The following SV2B variants were observed in gnomAD, a reference collection of about 807,000 sequenced individuals.
SV2B encodes synaptic vesicle glycoprotein 2B.
In SV2B, 41 loss-of-function variants were observed where a neutral mutation model predicts 73.9. The ratio of observed to expected loss-of-function variants is 0.56; its 90% CI spans 0.43 to 0.72. The LOEUF (loss-of-function observed/expected upper bound fraction) is 0.72. Ranked by LOEUF, SV2B falls within the 30% of genes least tolerant of loss-of-function variation. The pLI is 0.00. For missense variants in SV2B, 764 were observed against 857.8 expected, an observed-to-expected ratio of 0.89 and a Z score of 1.37; for synonymous variants, 314 against 314.2, an observed-to-expected ratio of 1.00 and a Z score of 0.01.
chr15:91,228,011 C>CA (rs2046439520), intron 2 of SV2B, among the ~76,000 whole-genome samples: 1 of 152,036 alleles, frequency 6.6e-6, no homozygotes, highest in Non-Finnish European at 1.5e-5. Context: ...ACTTTATTTA[C>CA]AAAAAAATGG....
At chr15:91,171,663 C>T (rs1004492808) in intron 1 of SV2B, among the ~76,000 whole-genome samples, 7 of 152,196 alleles carry the variant, frequency 4.6e-5, no homozygotes, top group East Asian at 1.9e-4. Flanking sequence ...CATCTCTCCT[C>T]GTGATTAGTG....
Position 91,251,923 on chromosome 15 carries a change from G to C in SV2B, c.556G>C (p.Ala186Pro). 6.2e-7 allele frequency: 1 copy of C among 1,614,130 alleles called. No homozygotes were observed. Among genetic ancestry groups the C allele is most frequent in the Non-Finnish European group, 8.5e-7 (1 of 1,180,026 alleles). The change falls in exon 3 of 13, where the codon GCC (alanine) becomes CCC (proline). Residue 186 changes from alanine (A) to proline (P), a missense_variant. Coordinates refer to ENST00000394232, the MANE Select transcript of SV2B (RefSeq NM_001323032.3). ...RVLSMSLAVNASFASLSSFVQ... is the reference protein window; with the variant it reads ...RVLSMSLAVNPSFASLSSFVQ... ...CCTCAGCATGTCTCTGGCCGTCAAT[G>C]CCTCCTTCGCCTCCCTCTCTTCCTT...
intron 1 of SV2B, among the ~76,000 whole-genome samples, chr15:91,179,154 A>C (rs1423661941): frequency 1.3e-5 from 2 of 151,992 alleles, no homozygotes; most frequent in African/African-American, 2.4e-5. Flanking sequence ...TTATGTACCC[A>C]GTAGTCATTC....
intron 6 of SV2B, among the ~76,000 whole-genome samples, chr15:91,264,739 C>T (rs2048041627): frequency 6.6e-6 from 1 of 152,092 alleles, no homozygotes; most frequent in South Asian, 2.1e-4. Context: ...GACACAAAAG[C>T]CTTTTACAAC....
intron 5 of SV2B, among the ~76,000 whole-genome samples, chr15:91,259,733 C>T (rs1003445062): frequency 2.0e-5 from 3 of 152,206 alleles, no homozygotes; most frequent in South Asian, 2.1e-4. Context: ...ACACTCCAGT[C>T]GTGGCCTTCA....
chr15:91,223,525 G>A lies in SV2B; in HGVS notation c.-391-2348G>A, dbSNP rs958917177. ...GGTGGTGAGTCCCACAAGTGCTTTT[G>A]GAATTGCAAGTCTATCATTTCTGGT... On this transcript the variant is annotated intron_variant, in intron 1 of 12. Coordinates refer to ENST00000394232, the MANE Select transcript of SV2B (RefSeq NM_001323032.3). The surrounding 1 kb of genome is among the most constrained non-coding windows in gnomAD (Gnocchi z 4.6). Among the ~76,000 whole-genome samples, 1 of 152,132 alleles carries A rather than the reference G, an allele frequency of 6.6e-6. No homozygotes were observed. Among genetic ancestry groups the A allele is most frequent in the African/African-American group, 2.4e-5 (1 of 41,428 alleles).
At chr15:91,202,486 G>A (rs2141389628) in intron 1 of SV2B, among the ~76,000 whole-genome samples, 1 of 152,292 alleles carries the variant, frequency 6.6e-6, no homozygotes, top group Non-Finnish European at 1.5e-5. Context: ...TGGGTGTCTT[G>A]GGAAAAATGA....
intron 1 of SV2B, among the ~76,000 whole-genome samples, chr15:91,174,579 G>A (rs111323665): frequency 1.3e-5 from 2 of 152,074 alleles, no homozygotes; most frequent in African/African-American, 4.8e-5. Flanking sequence ...AATAATATTC[G>A]TCATTAGGTG....
intron 1 of SV2B, among the ~76,000 whole-genome samples, chr15:91,125,175 A>G (rs1275331842): frequency 6.6e-6 from 1 of 152,208 alleles, no homozygotes; most frequent in Admixed American, 6.5e-5. Flanking sequence ...GATCTACCCT[A>G]AAGGTCTCAT....
At chr15:91,125,510 G>A (rs1165815239) in intron 1 of SV2B, among the ~76,000 whole-genome samples, 1 of 152,044 alleles carries the variant, frequency 6.6e-6, no homozygotes, top group Non-Finnish European at 1.5e-5. Flanking sequence ...AGTGGCTCAC[G>A]CCTGTAATCC....
In SV2B at chr15:91,266,690, C is replaced by G; in HGVS notation, c.1117C>G (p.Gln373Glu). 6.2e-7 allele frequency: 1 copy of G among 1,612,392 alleles called. No individual in the cohort carries two copies. The change falls in exon 7 of 13, where the codon CAG (glutamine) becomes GAG (glutamate). Residue 373 changes from glutamine to glutamate, a missense_variant and splice_region_variant. Gln to Glu is a conservative substitution (Grantham distance 29). Transcript: ENST00000394232. ...GGTCAGATTCAAGACCATTTTCAAGCAGGTATGATTGGGAACTTACTTTGG... is the reference window on the plus strand; with the variant it reads ...GGTCAGATTCAAGACCATTTTCAAGGAGGTATGATTGGGAACTTACTTTGG... ...WLVRFKTIFK[Q>E]VWDNALYCVM... is the part of the protein sequence containing the mutation.
chr15:91,246,336 C>A (rs1299228557), intron 2 of SV2B, among the ~76,000 whole-genome samples: 1 of 152,136 alleles, frequency 6.6e-6, no homozygotes, highest in Non-Finnish European at 1.5e-5. Context: ...AGGTCCTAGA[C>A]AATTTTAAGC....
chr15:91,147,389 T>C (rs892517816), intron 1 of SV2B, among the ~76,000 whole-genome samples: 1 of 152,192 alleles, frequency 6.6e-6, no homozygotes, highest in Non-Finnish European at 1.5e-5. Flanking sequence ...AGATGTGCCA[T>C]GCAGCCACTC....
In SV2B at chr15:91,223,284, C is replaced by T. The variant is rs77194054; in HGVS notation, c.-391-2589C>T. Among the ~76,000 whole-genome samples the T allele has an allele frequency of 0.011, 1,659 of 152,242 alleles. 41 individuals carry two copies. In the East Asian group the frequency reaches 0.11, roughly 10 times the overall value. On this transcript the variant is annotated intron_variant, in intron 1 of 12. Transcript: ENST00000394232. The surrounding 1 kb of genome is among the most constrained non-coding windows in gnomAD (Gnocchi z 4.6). Reference sequence around the variant, plus strand: ...CAGTCAGAACTTCAACATACCTTCACGCTATAGGGACACAATTCAGCCAGT... The same window carrying T: ...CAGTCAGAACTTCAACATACCTTCATGCTATAGGGACACAATTCAGCCAGT...
chr15:91,292,235 T>A, intron 12 of SV2B, 134 bp from the exon 13 acceptor site: 1 of 736,074 alleles, frequency 1.4e-6, no homozygotes, highest in East Asian at 2.9e-5. Flanking sequence ...ACAATGAGAA[T>A]GTGTTATTTT....
rs56033749 is a variant in SV2B, at chr15:91,267,805, CT to C, written c.1208+178del. Among the ~76,000 whole-genome samples, 756 of 141,756 alleles carry C rather than the reference CT, an allele frequency of 5.3e-3. 1 individual carries two copies. The highest frequency in any genetic ancestry group is 0.018 in the Middle Eastern group (5 of 272). 93.0% of individuals were successfully genotyped at this position (141,756 alleles called of 152,430 possible). Reference sequence around the variant, plus strand: ...TCTAGTGGCTTCTACAAAGAAGAAACTTTTTTTTTTTTTTTTGAGACAGAGT... The same window carrying C: ...TCTAGTGGCTTCTACAAAGAAGAAACTTTTTTTTTTTTTTTGAGACAGAGT... On this transcript the variant is annotated intron_variant, in intron 8 of 12. Transcript: ENST00000394232. This position sits in a 1 kb window ranked among gnomAD's most constrained non-coding sequence, Gnocchi z 4.3.
chr15:91,210,844 A>G lies in SV2B; in HGVS notation c.-391-15029A>G, dbSNP rs139264704. On this transcript the variant is annotated intron_variant, in intron 1 of 12. Coordinates refer to ENST00000394232, the MANE Select transcript of SV2B (RefSeq NM_001323032.3). ...AAGAGAGAGCCCTTTCTTTATAGAA[A>G]GTCTACTGTTCTTAGGCTTATTAAA... 6.3e-3 allele frequency among the ~76,000 whole-genome samples: 962 copies of G among 152,352 alleles called. 11 individuals are homozygous for G. The highest frequency in any genetic ancestry group is 0.022 in the African/African-American group (920 of 41,574).
At chr15:91,255,159 TACAC>T (rs1037495263) in intron 4 of SV2B, among the ~76,000 whole-genome samples, 8 of 152,034 alleles carry the variant, frequency 5.3e-5, no homozygotes, top group African/African-American at 1.9e-4. Context: ...CACACACACT[TACAC>T]AGACACACAC....
chr15:91,266,903 T>G (rs2048125351), intron 7 of SV2B: 3 of 422,006 alleles, frequency 7.1e-6, no homozygotes, highest in Non-Finnish European at 1.3e-5. Flanking sequence ...AAATCTTAGT[T>G]TCTTTTCTTT....
Sources: allele counts gnomAD v4.1 joint callset (sites outside exome capture counted in the v4.1 genomes callset), GRCh38; gene constraint gnomAD v4.1.1; non-coding constraint Gnocchi (gnomAD v3.1); transcripts MANE v1.5; gene names NCBI Gene and HGNC (gene_info 2026-07-23, HGNC 2026-07-21).